Variants in OSBP2 observed in about 807,000 individuals in gnomAD.
The protein encoded by OSBP2 is oxysterol-binding protein 2.
Under a neutral mutation model 96.0 loss-of-function variants are expected in OSBP2, and 66 were observed. The ratio of observed to expected loss-of-function variants is 0.69; its 90% confidence interval spans 0.56 to 0.84. OSBP2 has a LOEUF of 0.84. OSBP2 is among the 40% of genes least tolerant of loss of function. The pLI is 0.00. For missense variants in OSBP2, 1,038 were observed against 1,222.7 expected, an observed-to-expected ratio of 0.85 and a Z score of 2.25; for synonymous variants, 525 against 520.9, an observed-to-expected ratio of 1.01 and a Z score of -0.11.
chr22:30,729,067 C>G (rs373992715), intron 1 of OSBP2, among the ~76,000 whole-genome samples: 1 of 152,114 alleles, frequency 6.6e-6, no homozygotes, highest in African/African-American at 2.4e-5. Context: ...TGATAACTGA[C>G]GAGGTTGAGT....
At chr22:30,808,117 A>G (rs1180694191) in intron 2 of OSBP2, among the ~76,000 whole-genome samples, 1 of 152,146 alleles carries the variant, frequency 6.6e-6, no homozygotes, top group Non-Finnish European at 1.5e-5. Flanking sequence ...GGCCAGGTAC[A>G]GTGTGGGGCA....
chr22:30,809,305 C>T (rs1386333929), intron 2 of OSBP2, among the ~76,000 whole-genome samples: 1 of 152,200 alleles, frequency 6.6e-6, no homozygotes, highest in Non-Finnish European at 1.5e-5. Flanking sequence ...TTCAGGGAGA[C>T]AGACTCTCCA....
intron 8 of OSBP2, among the ~76,000 whole-genome samples, chr22:30,892,015 T>A (rs1359222534): frequency 6.6e-6 from 1 of 152,102 alleles, no homozygotes; most frequent in East Asian, 1.9e-4. Flanking sequence ...AAGCAGCAGC[T>A]GGAGGGCGGT....
chr22:30,893,733 G>A lies in OSBP2; in HGVS notation c.2190G>A (p.Lys730=), dbSNP rs1224136662. 1 of 1,614,066 alleles carries A rather than the reference G, an allele frequency of 6.2e-7. No individual in the cohort carries two copies. The highest frequency in any genetic ancestry group is 1.1e-5 in the South Asian group (1 of 91,088). The change falls in exon 11 of 14, where the codon AAG becomes AAA. Residue 730 remains lysine, a splice_region_variant and synonymous_variant. Transcript: ENST00000332585. ...ACTTCTCCAAAGAGGCAGCCCGGAA[G>A]GTAAGCAGGACCAGCCACCTCTAAG... ...YSYFSKEAAR[K]VTGVVSDSQG...
Position 30,744,116 on chromosome 22 carries a change from G to C in OSBP2, c.853+2747G>C, listed in dbSNP as rs186860302. Among the ~76,000 whole-genome samples the C allele has an allele frequency of 6.7e-3, 1,014 of 152,270 alleles. 7 individuals are homozygous for C. Among genetic ancestry groups the C allele is most frequent in the Non-Finnish European group, 0.012 (792 of 68,018 alleles). ...GTATGTGAAGGAAAAGCCTTCAGACGGCTACTCTGTGTTTATGGAAAGATT... is the reference window on the plus strand; with the variant it reads ...GTATGTGAAGGAAAAGCCTTCAGACCGCTACTCTGTGTTTATGGAAAGATT... On this transcript the variant is annotated intron_variant, in intron 2 of 13. Transcript: ENST00000332585.
intron 2 of OSBP2, among the ~76,000 whole-genome samples, chr22:30,769,542 G>A (rs1477885754): frequency 6.6e-6 from 1 of 152,120 alleles, no homozygotes; most frequent in Non-Finnish European, 1.5e-5. Flanking sequence ...CCAGCTACTC[G>A]GGAGGCTGAG....
intron 2 of OSBP2, among the ~76,000 whole-genome samples, chr22:30,827,035 A>G (rs2038419992): frequency 6.6e-6 from 1 of 152,090 alleles, no homozygotes; most frequent in African/African-American, 2.4e-5. Context: ...TGTGTATTGG[A>G]GGATGAGTAA....
At chr22:30,718,331 C>T (rs778849710) in intron 1 of OSBP2, among the ~76,000 whole-genome samples, 1 of 152,212 alleles carries the variant, frequency 6.6e-6, no homozygotes, top group Non-Finnish European at 1.5e-5. Flanking sequence ...AGCCTCTAAC[C>T]TCCCTTCTAA....
In OSBP2 at chr22:30,695,161, C is replaced by T; in HGVS notation, c.252C>T (p.Ser84=). 5 of 1,610,516 alleles carry T rather than the reference C, an allele frequency of 3.1e-6. No homozygotes were observed. The South Asian group carries it at 5.5e-5, about 18-fold the overall frequency. Residue 84 remains serine (S), a synonymous_variant, in exon 1 of 14, where the codon TCC becomes TCT. Coordinates refer to ENST00000332585, the MANE Select transcript of OSBP2 (RefSeq NM_030758.4). The part of the protein sequence containing the change: ...SEAVPRSEPV[S]ETTSEPEPGA... ...CAGTGCCAAGATCGGAACCTGTGTC[C>T]GAGACGACGTCTGAGCCGGAGCCAG...
intron 2 of OSBP2, among the ~76,000 whole-genome samples, chr22:30,795,017 C>G (rs941833003): frequency 1.3e-5 from 2 of 151,152 alleles, no homozygotes; most frequent in African/African-American, 4.9e-5. Flanking sequence ...TCAAGTGATT[C>G]CCCTGCCTCA....
At chr22:30,737,398 A>G (rs944437169) in intron 1 of OSBP2, among the ~76,000 whole-genome samples, 10 of 140,294 alleles carry the variant, frequency 7.1e-5, no homozygotes, top group African/African-American at 2.7e-4. Context: ...ATTATGGCTC[A>G]CTGCAGCCTC....
intron 2 of OSBP2, among the ~76,000 whole-genome samples, chr22:30,779,826 G>A (rs888840274): frequency 4.6e-5 from 7 of 152,086 alleles, no homozygotes; most frequent in Non-Finnish European, 1.0e-4. Context: ...GAGAACCCTC[G>A]GCCCTTTTGG....
At chr22:30,757,289 G>A (rs9609078) in intron 2 of OSBP2, among the ~76,000 whole-genome samples, 28,088 of 151,930 alleles carry the variant, frequency 0.18, 3,763 homozygotes, top group African/African-American at 0.38. Flanking sequence ...CGCTCCCTGC[G>A]TCCCCCCTGC....
At chr22:30,869,121 C>T (rs2039407629) in intron 2 of OSBP2, among the ~76,000 whole-genome samples, 2 of 152,182 alleles carry the variant, frequency 1.3e-5, no homozygotes, top group African/African-American at 2.4e-5. Flanking sequence ...CGCCACCCCC[C>T]AGAGACGCCC....
chr22:30,786,522 G>GA (rs1159270553), intron 2 of OSBP2, among the ~76,000 whole-genome samples: 1 of 152,088 alleles, frequency 6.6e-6, no homozygotes, highest in African/African-American at 2.4e-5. Flanking sequence ...TCACCATGGT[G>GA]AAAGGCACCT....
chr22:30,794,330 C>T (rs1370914512), intron 2 of OSBP2, among the ~76,000 whole-genome samples: 2 of 146,278 alleles, frequency 1.4e-5, no homozygotes, highest in African/African-American at 2.5e-5. Flanking sequence ...GGCACGATCT[C>T]GACTCATTGC....
At chr22:30,861,280 G>A (rs1326952380) in intron 2 of OSBP2, among the ~76,000 whole-genome samples, 1 of 152,198 alleles carries the variant, frequency 6.6e-6, no homozygotes, top group African/African-American at 2.4e-5. Context: ...TATTTATATG[G>A]CGGGCCTGGG....
chr22:30,760,365 A>G (rs1216344703), intron 2 of OSBP2, among the ~76,000 whole-genome samples: 1 of 152,214 alleles, frequency 6.6e-6, no homozygotes, highest in Non-Finnish European at 1.5e-5. Context: ...ACTTCGGACC[A>G]ATATTTCTCA....
intron 2 of OSBP2, among the ~76,000 whole-genome samples, chr22:30,833,500 C>A (rs550687804): frequency 7.9e-5 from 12 of 152,314 alleles, no homozygotes; most frequent in African/African-American, 2.9e-4. Context: ...CTTGACCTGT[C>A]ACCCTGAACC....
Sources: allele counts gnomAD v4.1 joint callset (sites outside exome capture counted in the v4.1 genomes callset), GRCh38; gene constraint gnomAD v4.1.1; transcripts MANE v1.5; gene names NCBI Gene and HGNC (gene_info 2026-07-23, HGNC 2026-07-21).